The following RBMS2 variants were observed in gnomAD, a reference collection of about 807,000 sequenced individuals.
The protein encoded by RBMS2 is RNA binding motif single stranded interacting protein 2, also known as RNA-binding motif, single-stranded-interacting protein 2.
RBMS2 carries 38 observed loss-of-function variants against 58.4 expected under a neutral mutation model. The ratio of observed to expected loss-of-function variants is 0.65; its 90% CI spans 0.50 to 0.85. The LOEUF (loss-of-function observed/expected upper bound fraction) is 0.85, where lower values mean the gene tolerates loss of function less well. Among genes scored for constraint, RBMS2 ranks in the 40% least tolerant of loss-of-function variants. RBMS2 has a pLI of 0.00. For missense variants in RBMS2, 367 were observed against 503.7 expected (o/e 0.73, Z 2.60); for synonymous variants, 151 against 180.7 (o/e 0.84, Z 1.32).
intron 1 of RBMS2, among the ~76,000 whole-genome samples, chr12:56,533,984 G>T (rs1417624965): frequency 2.0e-5 from 3 of 152,020 alleles, no homozygotes; most frequent in Non-Finnish European, 4.4e-5. Context: ...ATGAGGAAAA[G>T]TGAGTTACAG....
chr12:56,592,062 G>C lies in RBMS2; in HGVS notation c.*2929G>C, dbSNP rs1885342173. ...AGGAAAGGAGGGAGAAGAAAGGAGG[G>C]ATACTGTTTCTCCCATGAAATAGTC... On this transcript the variant is annotated 3_prime_UTR_variant, in exon 14 of 14. Transcript: ENST00000262031. 1 of 152,168 alleles carries C rather than the reference G, an allele frequency of 6.6e-6. No homozygotes were observed. Among genetic ancestry groups the C allele is most frequent in the African/African-American group, 2.4e-5 (1 of 41,434 alleles). The allele number at this position is 152,168 out of a possible 1,614,324, so 9.4% of individuals were successfully genotyped here. A position where few individuals can be genotyped will look rare whatever the true frequency, so the allele number is the denominator to read the frequency against.
At chr12:56,565,727 C>G (rs968705059) in intron 2 of RBMS2, among the ~76,000 whole-genome samples, 1 of 152,042 alleles carries the variant, frequency 6.6e-6, no homozygotes, top group South Asian at 2.1e-4. Context: ...GTTTCTCATG[C>G]GTAGACGGAC....
intron 2 of RBMS2, among the ~76,000 whole-genome samples, chr12:56,563,324 T>C (rs765982402): frequency 3.9e-5 from 6 of 152,122 alleles, no homozygotes; most frequent in Non-Finnish European, 7.4e-5. Flanking sequence ...AATATCTCTA[T>C]AGATGTTAAT....
chr12:56,571,941 CA>C, intron 5 of RBMS2, 86 bp downstream of exon 5: 1 of 1,250,382 alleles, frequency 8.0e-7, no homozygotes, highest in Non-Finnish European at 1.1e-6. Flanking sequence ...ATGCCTTTCC[CA>C]CACAAGGTCA....
In RBMS2 at chr12:56,590,437, CT is replaced by C; in HGVS notation, c.*1305del. The C allele has an allele frequency of 6.6e-6, 1 of 152,288 alleles. No homozygotes were observed. Among genetic ancestry groups the C allele is most frequent in the South Asian group, 2.1e-4 (1 of 4,826 alleles). The allele number at this position is 152,288 out of a possible 1,614,324, so 9.4% of individuals were successfully genotyped here. A position where few individuals can be genotyped will look rare whatever the true frequency, so the allele number is the denominator to read the frequency against. On this transcript the variant is annotated 3_prime_UTR_variant, in exon 14 of 14. Coordinates refer to ENST00000262031, the MANE Select transcript of RBMS2 (RefSeq NM_002898.4). ...TGTGTGTGCTACTGGCATCTAGTGG[CT>C]GCTAAACATCCTACACTGCATAGGA...
At chr12:56,578,214 C>T (rs750145837) in intron 5 of RBMS2, among the ~76,000 whole-genome samples, 8 of 151,912 alleles carry the variant, frequency 5.3e-5, no homozygotes, top group African/African-American at 9.7e-5. Context: ...CTGTAAACTC[C>T]GCCTCCCGGG....
rs1311982284 is a variant in RBMS2 at position 56,546,267 on chromosome 12, G to A, written c.67-16150G>A. Among the ~76,000 whole-genome samples, 5 of 147,022 alleles carry A rather than the reference G, an allele frequency of 3.4e-5. No homozygotes were observed. In the South Asian group the frequency reaches 6.3e-4, roughly 19 times the overall value. The stretch of plus-strand genomic sequence containing the variant: ...TGAGTAGCTGGGACTACAGGCACCC[G>A]CCACCATGGGTTATTATAAATGTAT... On this transcript the variant is annotated intron_variant, in intron 1 of 13. Transcript: ENST00000262031.
chr12:56,577,828 A>G (rs1025152157), intron 5 of RBMS2, among the ~76,000 whole-genome samples: 1 of 152,084 alleles, frequency 6.6e-6, no homozygotes, highest in African/African-American at 2.4e-5. Context: ...GACCACTGGC[A>G]CATGCCGCCA....
intron 12 of RBMS2, 164 bp downstream of exon 12, chr12:56,588,538 C>T: frequency 1.5e-6 from 1 of 656,944 alleles, no homozygotes. Context: ...CGGCAGCATG[C>T]ATACTAAAAT....
At position 56,582,153 on chromosome 12, in the gene RBMS2, G is replaced by A. The variant is rs1884050242; in HGVS notation, c.873+1G>A. The A allele has an allele frequency of 6.3e-7, 1 of 1,593,866 alleles. No homozygotes were observed. Among genetic ancestry groups the A allele is most frequent in the South Asian group, 1.1e-5 (1 of 90,244 alleles). On this transcript the variant is annotated splice_donor_variant, in intron 9 of 13. Transcript: ENST00000262031. LOFTEE classifies it high-confidence loss of function. Reference sequence around the variant, plus strand: ...TTCCTCTCCTGTGTCTTCGTATCAGGTATGTTCATGCCTGAAAAATGGTGT... The same window carrying A: ...TTCCTCTCCTGTGTCTTCGTATCAGATATGTTCATGCCTGAAAAATGGTGT...
At chr12:56,586,514 A>G (rs2136592514) in intron 9 of RBMS2, among the ~76,000 whole-genome samples, 1 of 151,392 alleles carries the variant, frequency 6.6e-6, no homozygotes, top group African/African-American at 2.4e-5. Flanking sequence ...TCATGTACTC[A>G]TTGGCTATTT....
chr12:56,554,285 T>C (rs567498676), intron 1 of RBMS2, among the ~76,000 whole-genome samples: 33 of 152,326 alleles, frequency 2.2e-4, no homozygotes, highest in Middle Eastern at 3.4e-3. Context: ...GGAAAGCATA[T>C]TTAAAGATTT....
Position 56,590,408 on chromosome 12 carries a change from G to A in RBMS2, c.*1275G>A, listed in dbSNP as rs1351275085. The stretch of plus-strand genomic sequence containing the variant: ...AGTTTTGATTGCCACGCCTGGAGGT[G>A]GGATGTGTGTGCTACTGGCATCTAG... On this transcript the variant is annotated 3_prime_UTR_variant, in exon 14 of 14. Transcript: ENST00000262031. 1 of 152,192 alleles carries A rather than the reference G, an allele frequency of 6.6e-6. No homozygotes were observed. Among genetic ancestry groups the A allele is most frequent in the African/African-American group, 2.4e-5 (1 of 41,416 alleles). 9.4% of individuals were successfully genotyped at this position (152,192 alleles called of 1,614,324 possible). A position where few individuals can be genotyped will look rare whatever the true frequency, so the allele number is the denominator to read the frequency against.
intron 1 of RBMS2, among the ~76,000 whole-genome samples, chr12:56,543,968 A>G (rs1482880131): frequency 6.6e-6 from 1 of 150,922 alleles, no homozygotes; most frequent in Admixed American, 6.6e-5. Flanking sequence ...ATGCCCGGCC[A>G]TAGAGTCACC....
At chr12:56,527,622 C>T (rs901090776) in intron 1 of RBMS2, among the ~76,000 whole-genome samples, 2 of 151,442 alleles carry the variant, frequency 1.3e-5, no homozygotes, top group Admixed American at 6.6e-5. Flanking sequence ...CTCAAAAAAA[C>T]AAAAACAAAC....
In RBMS2 at chr12:56,534,772, G is replaced by T. The variant is rs545049447; in HGVS notation, c.66+12683G>T. Among the ~76,000 whole-genome samples, 5 of 152,226 alleles carry T rather than the reference G, an allele frequency of 3.3e-5. No homozygotes were observed. The East Asian group carries it at 9.7e-4, about 29-fold the overall frequency. ...TTCTCCTGCCTCAGCCTCCCGAATA[G>T]CAGGGACTACAGGCGCCCGCCACCA... On this transcript the variant is annotated intron_variant, in intron 1 of 13. Coordinates refer to ENST00000262031, the MANE Select transcript of RBMS2 (RefSeq NM_002898.4).
chr12:56,563,034 A>C (rs1431617283), intron 2 of RBMS2, among the ~76,000 whole-genome samples: 1 of 152,030 alleles, frequency 6.6e-6, no homozygotes, highest in East Asian at 1.9e-4. Flanking sequence ...GAGGCAGGAG[A>C]ATGGTGTGAA....
chr12:56,584,031 G>A (rs550895043), intron 9 of RBMS2, among the ~76,000 whole-genome samples: 22 of 152,332 alleles, frequency 1.4e-4, no homozygotes, highest in Middle Eastern at 3.4e-3. Flanking sequence ...AGTAAGATGG[G>A]TGGAAGGCAA....
At chr12:56,525,211 TTTTA>T (rs1223109194) in intron 1 of RBMS2, among the ~76,000 whole-genome samples, 1 of 151,988 alleles carries the variant, frequency 6.6e-6, no homozygotes, top group Non-Finnish European at 1.5e-5. Flanking sequence ...CTCAGTTAAA[TTTTA>T]TTTATTTGTT....
Sources: gnomAD v4.1 joint callset for allele counts (sites outside exome capture counted in the v4.1 genomes callset) on GRCh38, gnomAD v4.1.1 for gene constraint, MANE v1.5 for transcripts, NCBI Gene and HGNC (gene_info 2026-07-23, HGNC 2026-07-21) for gene names.